The following MYO16 variants were observed in gnomAD, a reference collection of about 807,000 sequenced individuals.
MYO16 encodes unconventional myosin-XVI.
MYO16 carries 94 observed loss-of-function variants against 205.3 expected under a neutral mutation model. That is an observed-to-expected ratio of 0.46 (90% CI 0.39 to 0.54). The LOEUF is 0.54. MYO16 is among the 20% of genes least tolerant of loss of function. MYO16 has a pLI of 0.00. For synonymous variants in MYO16, 988 were observed against 954.0 expected (o/e 1.04, Z -0.66); for missense variants, 2,315 against 2,387.5 (o/e 0.97, Z 0.63).
At chr13:109,051,182 G>A (rs1156241424) in intron 24 of MYO16, among the ~76,000 whole-genome samples, 2 of 151,994 alleles carry the variant, frequency 1.3e-5, no homozygotes, top group Non-Finnish European at 2.9e-5. Flanking sequence ...AACATCACAG[G>A]GCCCCTTTTG....
At chr13:108,630,111 TA>T (rs1270174460) in intron 1 of MYO16, among the ~76,000 whole-genome samples, 10 of 148,288 alleles carry the variant, frequency 6.7e-5, no homozygotes, top group African/African-American at 2.5e-4. Flanking sequence ...TTCAGCTTTT[TA>T]AAAAAAATGA....
chr13:108,669,431 A>G (rs1429827563), intron 2 of MYO16, among the ~76,000 whole-genome samples: 1 of 152,158 alleles, frequency 6.6e-6, no homozygotes, highest in Non-Finnish European at 1.5e-5. Context: ...GAGCTCTTTA[A>G]AGGAGGTTTC....
rs555483423 is a variant in MYO16 at position 108,642,773 on chromosome 13, C to T, written c.28+12901C>T. ...ATTTATAGTAAGTGACAGAGGCTGG[C>T]ATCTGTTCACAAGACTTCTTTTCTA... On this transcript the variant is annotated intron_variant, in intron 1 of 34. Coordinates refer to ENST00000457511, the MANE Select transcript of MYO16 (RefSeq NM_001198950.3). Among the ~76,000 whole-genome samples, 19 of 152,220 alleles carry T rather than the reference C, an allele frequency of 1.2e-4. 1 individual carries two copies. In the South Asian group the frequency reaches 3.9e-3, roughly 32 times the overall value.
chr13:108,603,387 C>G (rs997707374), intron 1 of MYO16, among the ~76,000 whole-genome samples: 1 of 152,038 alleles, frequency 6.6e-6, no homozygotes, highest in Non-Finnish European at 1.5e-5. Flanking sequence ...TAAATTGAAC[C>G]AAAGTTGGGA....
chr13:108,496,931 G>A, the MYO16 span, among the ~76,000 whole-genome samples: 1 of 152,192 alleles, frequency 6.6e-6, no homozygotes, highest in Non-Finnish European at 1.5e-5. Flanking sequence ...GAAGCACAGG[G>A]GAAGCCCGGA....
chr13:109,063,782 C>G (rs200465130), intron 27 of MYO16, among the ~76,000 whole-genome samples: 1 of 151,156 alleles, frequency 6.6e-6, no homozygotes, highest in South Asian at 2.1e-4. Flanking sequence ...TTACTTGATA[C>G]TTATGCTGAT....
Position 108,688,852 on chromosome 13 carries a change from T to C in MYO16, c.292+22703T>C, listed in dbSNP as rs918206830. On this transcript the variant is annotated intron_variant, in intron 2 of 34. Coordinates refer to ENST00000457511, the MANE Select transcript of MYO16 (RefSeq NM_001198950.3). ...TTACAAAAGTCACACAGTGTTTTTA[T>C]GTACCCTAATGGCATGATGCAAGTC... Among the ~76,000 whole-genome samples the C allele has an allele frequency of 1.8e-4, 27 of 152,192 alleles. 1 individual carries two copies. The highest frequency in any genetic ancestry group is 6.5e-5 in the Admixed American group (1 of 15,268).
chr13:108,721,473 G>C (rs1036733813), intron 3 of MYO16, among the ~76,000 whole-genome samples: 4 of 152,166 alleles, frequency 2.6e-5, no homozygotes, highest in African/African-American at 7.2e-5. Context: ...TTCCTCTGTT[G>C]ATAGTGTTCA....
At chr13:108,822,700 A>C (rs1876045005) in intron 8 of MYO16, among the ~76,000 whole-genome samples, 1 of 152,172 alleles carries the variant, frequency 6.6e-6, no homozygotes, top group Non-Finnish European at 1.5e-5. Flanking sequence ...CTACCCATTT[A>C]GTAGAATGTT....
chr13:109,183,328 G>C (rs535836050), intron 34 of MYO16, among the ~76,000 whole-genome samples: 1 of 152,158 alleles, frequency 6.6e-6, no homozygotes, highest in Non-Finnish European at 1.5e-5. Flanking sequence ...ACCTGACACA[G>C]GAAGCCCACG....
intron 2 of MYO16, among the ~76,000 whole-genome samples, chr13:108,668,208 G>A (rs538116924): frequency 6.6e-6 from 1 of 152,306 alleles, no homozygotes; most frequent in South Asian, 2.1e-4. Flanking sequence ...AAACATTCAT[G>A]TCATACAATC....
At chr13:109,077,944 A>G (rs1166715165) in intron 27 of MYO16, among the ~76,000 whole-genome samples, 3 of 152,126 alleles carry the variant, frequency 2.0e-5, no homozygotes, top group Non-Finnish European at 2.9e-5. Context: ...ACATATCACA[A>G]TGCTCTGTTG....
chr13:109,122,632 C>A (rs967235673), intron 29 of MYO16, among the ~76,000 whole-genome samples: 1 of 148,636 alleles, frequency 6.7e-6, no homozygotes, highest in African/African-American at 2.5e-5. Context: ...GAGCCAAGAT[C>A]GTGGAGATCA....
chr13:108,503,342 C>T, the MYO16 span, among the ~76,000 whole-genome samples: 4 of 152,016 alleles, frequency 2.6e-5, no homozygotes, highest in African/African-American at 4.8e-5. Context: ...CAGCCTCTGC[C>T]GGGAGCCGAC....
At chr13:108,559,490 T>TTTG in the MYO16 span, among the ~76,000 whole-genome samples, 28 of 145,898 alleles carry the variant, frequency 1.9e-4, no homozygotes, top group African/African-American at 4.8e-4. Flanking sequence ...TTTTTTTTTT[T>TTTG]TTGAGACGGA....
chr13:108,658,336 C>G (rs1361665608), intron 1 of MYO16, among the ~76,000 whole-genome samples: 5 of 151,566 alleles, frequency 3.3e-5, no homozygotes, highest in African/African-American at 1.2e-4. Flanking sequence ...CAATTTCTCA[C>G]GTCTTTCTTC....
intron 21 of MYO16, among the ~76,000 whole-genome samples, chr13:109,005,406 G>A (rs1227202201): frequency 8.5e-5 from 13 of 152,060 alleles, no homozygotes; most frequent in Non-Finnish European, 1.5e-5. Flanking sequence ...TTTTTGACCT[G>A]AATCTAAGAA....
chr13:108,504,926 A>AT, the MYO16 span, among the ~76,000 whole-genome samples: 7 of 151,974 alleles, frequency 4.6e-5, no homozygotes, highest in African/African-American at 1.7e-4. Flanking sequence ...TTTTGTAACT[A>AT]TTTTTTTCAT....
At chr13:108,907,071 G>A (rs1566404166) in intron 15 of MYO16, among the ~76,000 whole-genome samples, 1 of 152,258 alleles carries the variant, frequency 6.6e-6, no homozygotes, top group South Asian at 2.1e-4. Flanking sequence ...GCCCTAAGTG[G>A]TCGTGTACCC....
Sources: gnomAD v4.1 joint callset for allele counts (sites outside exome capture counted in the v4.1 genomes callset) on GRCh38, gnomAD v4.1.1 for gene constraint, MANE v1.5 for transcripts, NCBI Gene and HGNC (gene_info 2026-07-23, HGNC 2026-07-21) for gene names.